Variants in CECR2 observed in about 807,000 individuals in gnomAD.
CECR2 encodes the protein CECR2 histone acetyl-lysine reader, also known as chromatin remodeling regulator CECR2.
CECR2 carries 30 observed loss-of-function variants against 154.5 expected under a neutral mutation model. The ratio of observed to expected loss-of-function variants is 0.19; its 90% CI spans 0.15 to 0.26. The LOEUF (loss-of-function observed/expected upper bound fraction) is 0.26, where lower values mean the gene tolerates loss of function less well. Ranked by LOEUF, CECR2 falls within the 10% of genes least tolerant of loss-of-function variation. CECR2 has a pLI of 1.00. For missense variants in CECR2, 1,743 were observed against 1,829.3 expected, an observed-to-expected ratio of 0.95 and a Z score of 0.86; for synonymous variants, 725 against 683.7, an observed-to-expected ratio of 1.06 and a Z score of -0.94.
chr22:17,503,007 A>T (rs1056032345), intron 5 of CECR2, 75 bp from the exon 6 acceptor site: 1 of 1,321,734 alleles, frequency 7.6e-7, no homozygotes, highest in Non-Finnish European at 1.1e-6. Context: ...AATGGGTTCT[A>T]CCATCCTGGG....
chr22:17,399,194 T>G (rs1319095471), intron 1 of CECR2, among the ~76,000 whole-genome samples: 1 of 152,014 alleles, frequency 6.6e-6, no homozygotes, highest in Non-Finnish European at 1.5e-5. Flanking sequence ...GCTCAGGAGG[T>G]GGGACGCCAG....
chr22:17,405,896 T>C (rs924980340), intron 1 of CECR2, among the ~76,000 whole-genome samples: 2 of 152,212 alleles, frequency 1.3e-5, no homozygotes, highest in Non-Finnish European at 2.9e-5. Context: ...CCATAAAATG[T>C]AGAGGCCAGA....
At position 17,360,813 on chromosome 22, in the gene CECR2, C is replaced by A. The variant is rs561564721; in HGVS notation, c.-364+790C>A. ...TGAGCCAAGATCTGCCATTGCACTCCAGCCTGGGCAATAAAGTGAGACCCT... is the reference window on the plus strand; with the variant it reads ...TGAGCCAAGATCTGCCATTGCACTCAAGCCTGGGCAATAAAGTGAGACCCT... On this transcript the variant is annotated intron_variant, in intron 1 of 18. Coordinates refer to the CECR2 transcript ENST00000400585. 1.5e-4 allele frequency among the ~76,000 whole-genome samples: 23 copies of A among 151,762 alleles called. No individual in the cohort carries two copies. The East Asian group carries it at 4.1e-3, about 27-fold the overall frequency.
chr22:17,371,532 A>G (rs769504060), intron 1 of CECR2, among the ~76,000 whole-genome samples: 22 of 152,200 alleles, frequency 1.4e-4, no homozygotes, highest in African/African-American at 1.9e-4. Context: ...TGGGAATCCT[A>G]AAGGTCAAAG....
Position 17,542,602 on chromosome 22 carries a change from C to G in CECR2, c.2459C>G (p.Pro820Arg), listed in dbSNP as rs370474804. The change falls in exon 16 of 19, where the codon CCC becomes CGC. Residue 820 changes from proline (P) to arginine (R), a missense_variant. Physicochemically the swap from Pro to Arg is moderately radical, Grantham distance 103 (BLOSUM62 -2). Around this residue, in one of 4 missense-constraint regions of CECR2, gnomAD observed 1,250 missense variants for 1,192.1 expected, o/e 1.05. Transcript: ENST00000262608. ...CGAGTCATGAGACCACCTGTCCCCC[C>G]CAACCAGTGGACTGAACAATCAGGC... ...DSRVMRPPVP[P>R]NQWTEQSGFL... 233 of 1,614,034 alleles carry G rather than the reference C, an allele frequency of 1.4e-4. 1 individual carries two copies. The highest frequency in any genetic ancestry group is 1.8e-4 in the Non-Finnish European group (217 of 1,179,894).
At position 17,548,994 on chromosome 22, in the gene CECR2, T is replaced by A. The variant is rs770346784; in HGVS notation, c.3707T>A (p.Leu1236His). The A allele has an allele frequency of 8.1e-6, 13 of 1,613,950 alleles. No individual in the cohort carries two copies. The highest frequency in any genetic ancestry group is 1.1e-5 in the Non-Finnish European group (13 of 1,179,890). The change falls in exon 17 of 19, where the codon CTC becomes CAC. Residue 1236 changes from leucine (L) to histidine (H), a missense_variant. Leu to His is a moderately conservative substitution (Grantham distance 99, BLOSUM62 -3). This residue lies in a region of CECR2 where 1,250 missense variants were observed against 1,192.1 expected (regional missense o/e 1.05). Coordinates refer to ENST00000262608, the MANE Select transcript of CECR2 (RefSeq NM_001290047.2). The stretch of plus-strand genomic sequence containing the variant: ...AGTCAGCCTCCCCCACCAAGGTCCC[T>A]CTTCTCAGATAAGAATGCCATGGCC... ...PASQPPPPRSLFSDKNAMASL... is the reference protein window; with the variant it reads ...PASQPPPPRSHFSDKNAMASL...
chr22:17,523,615 G>A (rs1187974365), intron 8 of CECR2, among the ~76,000 whole-genome samples: 2 of 151,758 alleles, frequency 1.3e-5, no homozygotes, highest in Non-Finnish European at 2.9e-5. Context: ...AATTAGCCGG[G>A]CGTGGTGGCA....
At chr22:17,472,562 C>CA (rs1325343243) in intron 1 of CECR2, among the ~76,000 whole-genome samples, 1 of 152,182 alleles carries the variant, frequency 6.6e-6, no homozygotes, top group Non-Finnish European at 1.5e-5. Context: ...ATACAACAAA[C>CA]ACGATTTTTT....
chr22:17,407,589 T>C (rs2054004378), intron 1 of CECR2, among the ~76,000 whole-genome samples: 1 of 151,166 alleles, frequency 6.6e-6, no homozygotes, highest in Non-Finnish European at 1.5e-5. Context: ...AGTGAGACTC[T>C]GTCTCAAAAA....
intron 1 of CECR2, among the ~76,000 whole-genome samples, chr22:17,397,388 T>C (rs2053827606): frequency 6.6e-6 from 1 of 152,144 alleles, no homozygotes; most frequent in South Asian, 2.1e-4. Context: ...CGCCTTCGCC[T>C]CCCAAAGGGC....
chr22:17,452,294 G>A (rs1280011156), intron 1 of CECR2, among the ~76,000 whole-genome samples: 1 of 152,108 alleles, frequency 6.6e-6, no homozygotes, highest in South Asian at 2.1e-4. Flanking sequence ...GGCTGGTCTC[G>A]AGCTCCTGGC....
At chr22:17,490,138 G>GTTT (rs759001714) in intron 2 of CECR2, among the ~76,000 whole-genome samples, 6 of 146,616 alleles carry the variant, frequency 4.1e-5, no homozygotes, top group African/African-American at 1.3e-4. Flanking sequence ...GTTCCTTACT[G>GTTT]TTTTTTTTTT....
intron 1 of CECR2, chr22:17,428,250 G>A (rs191214006): frequency 6.6e-6 from 1 of 152,262 alleles, no homozygotes; most frequent in African/African-American, 2.4e-5. Flanking sequence ...TTGCAAAAGT[G>A]GGGGAACACA....
chr22:17,383,299 T>C (rs1185636062), intron 1 of CECR2, among the ~76,000 whole-genome samples: 11 of 152,244 alleles, frequency 7.2e-5, no homozygotes, highest in African/African-American at 2.7e-4. Context: ...TGCAGGGTCA[T>C]GTCTGAATAT....
intron 1 of CECR2, among the ~76,000 whole-genome samples, chr22:17,468,220 C>T (rs187203427): frequency 2.0e-5 from 3 of 152,216 alleles, no homozygotes; most frequent in Admixed American, 2.0e-4. Context: ...TATGTGGGCT[C>T]ATGTTTTGGG....
At chr22:17,551,953 C>G in intron 17 of CECR2, 78 bp from the exon 18 acceptor site, 1 of 1,361,756 alleles carries the variant, frequency 7.3e-7, no homozygotes, top group Non-Finnish European at 1.0e-6. Flanking sequence ...GCAGTACCCT[C>G]GTGACTACAG....
At chr22:17,483,253 C>G (rs1471195943) in intron 2 of CECR2, among the ~76,000 whole-genome samples, 1 of 152,138 alleles carries the variant, frequency 6.6e-6, no homozygotes, top group East Asian at 1.9e-4. Flanking sequence ...TAGAAAACAG[C>G]TTATAGAATA....
rs766452519 is a variant in CECR2, at chr22:17,548,501, G to C, written c.3214G>C (p.Gly1072Arg). Residue 1072 changes from glycine (G) to arginine (R), a missense_variant, in exon 17 of 19, where the codon GGT becomes CGT. Gly to Arg is a moderately radical substitution (Grantham distance 125). Coordinates refer to ENST00000262608, the MANE Select transcript of CECR2 (RefSeq NM_001290047.2). ...SPCGSEGKGL[G>R]SSGSEKLLCP... ...TTGTGGATCGGAGGGGAAGGGCCTT[G>C]GTAGCAGTGGTTCCGAAAAGCTGCT... is the stretch of plus-strand genomic sequence containing the variant. The C allele has an allele frequency of 6.2e-7, 1 of 1,613,732 alleles. No homozygotes were observed. The highest frequency in any genetic ancestry group is 1.3e-5 in the African/African-American group (1 of 74,924).
At chr22:17,375,822 G>C (rs2063112386) in intron 1 of CECR2, among the ~76,000 whole-genome samples, 1 of 152,030 alleles carries the variant, frequency 6.6e-6, no homozygotes, top group African/African-American at 2.4e-5. Flanking sequence ...AGGTATGGTG[G>C]TGCATGCCTG....
Sources: allele counts gnomAD v4.1 joint callset (sites outside exome capture counted in the v4.1 genomes callset), GRCh38; gene constraint gnomAD v4.1.1; regional missense constraint gnomAD v4.1.1; transcripts MANE v1.5; gene names NCBI Gene and HGNC (gene_info 2026-07-23, HGNC 2026-07-21).